Variants in SIN3B observed in about 807,000 individuals in gnomAD.
SIN3B encodes the protein paired amphipathic helix protein Sin3b.
Under a neutral mutation model 120.2 loss-of-function variants are expected in SIN3B, and 19 were observed. That is an observed-to-expected ratio of 0.16 (90% CI 0.11 to 0.23). SIN3B has a LOEUF of 0.23. SIN3B is among the 10% of genes least tolerant of loss of function. The pLI, the probability that SIN3B is intolerant of heterozygous loss-of-function variation, is 1.00. For synonymous variants in SIN3B, 654 were observed against 653.2 expected (o/e 1.00, Z -0.02); for missense variants, 1,073 against 1,573.0 (o/e 0.68, Z 5.38).
At chr19:16,863,059 A>G in intron 9 of SIN3B, 1 of 1,040,800 alleles carries the variant, frequency 9.6e-7, no homozygotes, top group Non-Finnish European at 1.5e-6. Context: ...AGACACAACC[A>G]TTCCTTTACA....
At chr19:16,842,080 T>A in intron 4 of SIN3B, 112 bp downstream of exon 4, 2 of 971,486 alleles carry the variant, frequency 2.1e-6, no homozygotes, top group Non-Finnish European at 3.1e-6. Flanking sequence ...AAATTCTAAT[T>A]AGTTGTGGGG....
At chr19:16,831,454 T>A in intron 2 of SIN3B, 40 bp from the exon 3 acceptor site, 5 of 1,595,588 alleles carry the variant, frequency 3.1e-6, no homozygotes, top group Non-Finnish European at 3.4e-6. Flanking sequence ...TTTCATTTAT[T>A]TCCCAAGACC....
At position 16,876,073 on chromosome 19, in the gene SIN3B, G is replaced by A. The variant is rs1384373084; in HGVS notation, c.2611G>A (p.Asp871Asn). The change falls in exon 15 of 19, where the codon GAT becomes AAT. Residue 871 changes from aspartate to asparagine, a missense_variant. By Grantham distance (23) the Asp-to-Asn change is conservative (BLOSUM62 1). Around this residue, in one of 7 missense-constraint regions of SIN3B, gnomAD observed 311 missense variants for 400.3 expected, o/e 0.78. Transcript: ENST00000248054. This position sits in a 1 kb window ranked among gnomAD's most constrained non-coding sequence, Gnocchi z 7.1. ...CCGCCAGCTGCACCACCTCGTGAGC[G>A]ATGACGTCTGCCTGAAGGTGGTGGA... ...IARQLHHLVS[D>N]DVCLKVVELY... 1.9e-6 allele frequency: 3 copies of A among 1,570,582 alleles called. No individual in the cohort carries two copies. The highest frequency in any genetic ancestry group is 1.3e-5 in the African/African-American group (1 of 74,440).
intron 7 of SIN3B, 152 bp downstream of exon 7, chr19:16,853,310 T>G: frequency 1.5e-6 from 1 of 678,602 alleles, no homozygotes; most frequent in Non-Finnish European, 2.5e-6. Flanking sequence ...CAGCTTTCAC[T>G]GCGGAAGGGA....
chr19:16,877,774 G>T, intron 17 of SIN3B, 135 bp downstream of exon 17: 2 of 683,352 alleles, frequency 2.9e-6, no homozygotes, highest in South Asian at 3.4e-5. Context: ...GCTGAGGCAG[G>T]CCCTGCCCTT....
chr19:16,877,402 A>G (rs896308099), intron 16 of SIN3B, 143 bp from the exon 17 acceptor site: 1 of 633,028 alleles, frequency 1.6e-6, no homozygotes, highest in Non-Finnish European at 2.8e-6. Context: ...GTCAGGGATC[A>G]GAGTCCTCTG....
Position 16,879,174 on chromosome 19 carries a change from G to T in SIN3B, c.*447G>T, listed in dbSNP as rs963268037. On this transcript the variant is annotated 3_prime_UTR_variant, in exon 19 of 19. Coordinates refer to ENST00000248054, the MANE Select transcript of SIN3B (RefSeq NM_001297595.2). The stretch of plus-strand genomic sequence containing the variant: ...AAGGAAGGAGTTGAGCCCTGGGTAG[G>T]CTTGCTTGAAAAGTGAGTCCTTCCA... 4 of 179,150 alleles carry T rather than the reference G, an allele frequency of 2.2e-5. No individual in the cohort carries two copies. Among genetic ancestry groups the T allele is most frequent in the African/African-American group, 9.5e-5 (4 of 42,152 alleles). The allele number at this position is 179,150 out of a possible 1,614,324, so 11.1% of individuals were successfully genotyped here. A position where few individuals can be genotyped will look rare whatever the true frequency, so the allele number is the denominator to read the frequency against.
chr19:16,859,849 G>A (rs1223388341), intron 8 of SIN3B, among the ~76,000 whole-genome samples: 2 of 152,182 alleles, frequency 1.3e-5, no homozygotes, highest in South Asian at 2.1e-4. Flanking sequence ...TGTGGAGCTG[G>A]TGTTGGCACC....
chr19:16,876,411 G>T lies in SIN3B; in HGVS notation c.2767-75G>T, dbSNP rs1343907852. On this transcript the variant is annotated intron_variant, in intron 15 of 18. Coordinates refer to ENST00000248054, the MANE Select transcript of SIN3B (RefSeq NM_001297595.2). The surrounding 1 kb of genome is among the most constrained non-coding windows in gnomAD (Gnocchi z 7.1). ...GGGAGGGTGGCAAAGGCGGGAGGCGGGTGGCCTTGCGAGCCTGCGCTGTGC... is the reference window on the plus strand; with the variant it reads ...GGGAGGGTGGCAAAGGCGGGAGGCGTGTGGCCTTGCGAGCCTGCGCTGTGC... The T allele has an allele frequency of 1.1e-5, 17 of 1,498,416 alleles. No homozygotes were observed. Among genetic ancestry groups the T allele is most frequent in the Non-Finnish European group, 1.6e-5 (17 of 1,088,980 alleles). The allele number at this position is 1,498,416 out of a possible 1,614,324, so 92.8% of individuals were successfully genotyped here.
Position 16,869,723 on chromosome 19 carries a change from G to A in SIN3B, c.2070G>A (p.Gly690=). The change falls in exon 13 of 19, where the codon GGG becomes GGA. Residue 690 remains glycine (G), a synonymous_variant. Transcript: ENST00000248054. ...ATGAGGACCGGGACAGCCCCCAGGG[G>A]CAGACCACAGACCCCAGTGAGCGGA... is the stretch of plus-strand genomic sequence containing the variant. ...SADEDRDSPQ[G]QTTDPSERKK... is the part of the protein sequence containing the mutation. The A allele has an allele frequency of 6.2e-7, 1 of 1,613,184 alleles. No individual in the cohort carries two copies. Among genetic ancestry groups the A allele is most frequent in the Non-Finnish European group, 8.5e-7 (1 of 1,180,004 alleles).
Position 16,865,415 on chromosome 19 carries a change from C to T in SIN3B, c.1389C>T (p.Asp463=), listed in dbSNP as rs767702075. The change falls in exon 11 of 19, where the codon GAC becomes GAT. Residue 463 remains aspartate (D), a synonymous_variant. Coordinates refer to ENST00000248054, the MANE Select transcript of SIN3B (RefSeq NM_001297595.2). ...HRCEDERFEL[D]VVLETNLATI... ...TCCTGCCTTCCTTTCCATAGTTAGA[C>T]GTTGTCCTGGAGACGAACCTGGCCA... is the stretch of plus-strand genomic sequence containing the variant. 68 of 1,592,962 alleles carry T rather than the reference C, an allele frequency of 4.3e-5. No homozygotes were observed. The highest frequency in any genetic ancestry group is 1.3e-4 in the Admixed American group (8 of 59,556).
intron 9 of SIN3B, chr19:16,863,167 A>C (rs1247535247): frequency 1.8e-6 from 1 of 566,536 alleles, no homozygotes; most frequent in Non-Finnish European, 3.1e-6. Flanking sequence ...GACCCTTTGC[A>C]GAGAGAATTT....
chr19:16,863,486 A>T, intron 9 of SIN3B, 194 bp from the exon 10 acceptor site: 1 of 580,686 alleles, frequency 1.7e-6, no homozygotes, highest in Non-Finnish European at 3.1e-6. Context: ...ATCTCCCAGG[A>T]TACCAAGGGA....
intron 14 of SIN3B, among the ~76,000 whole-genome samples, chr19:16,875,465 G>T (rs941966643): frequency 2.8e-5 from 4 of 142,320 alleles, no homozygotes; most frequent in Non-Finnish European, 6.0e-5. Context: ...GGTCTGGTCT[G>T]GTCTGGTTTT....
At chr19:16,839,079 C>T (rs2144580408) in intron 3 of SIN3B, among the ~76,000 whole-genome samples, 1 of 149,968 alleles carries the variant, frequency 6.7e-6, no homozygotes, top group Admixed American at 6.7e-5. Context: ...GCAATTCTTC[C>T]TCCTCAGCCT....
At position 16,878,767 on chromosome 19, in the gene SIN3B, C is replaced by T. The variant is rs781129326; in HGVS notation, c.*40C>T. ...CACCGGGCAGGCGCCTCACAGAGCA[C>T]AGACGTGCCCTCGGCCTTGGTCGTG... On this transcript the variant is annotated 3_prime_UTR_variant, in exon 19 of 19. Transcript: ENST00000248054. 2 of 1,520,770 alleles carry T rather than the reference C, an allele frequency of 1.3e-6. No individual in the cohort carries two copies. Among genetic ancestry groups the T allele is most frequent in the Non-Finnish European group, 1.8e-6 (2 of 1,128,486 alleles). The allele number at this position is 1,520,770 out of a possible 1,614,324, so 94.2% of individuals were successfully genotyped here.
intron 4 of SIN3B, 45 bp downstream of exon 4, chr19:16,842,013 C>T: frequency 6.9e-7 from 1 of 1,455,516 alleles, no homozygotes; most frequent in South Asian, 1.1e-5. Flanking sequence ...GGATTTCATC[C>T]AGTTTGGGGC....
intron 2 of SIN3B, 36 bp downstream of exon 2, chr19:16,829,933 C>A (rs1379850256): frequency 6.7e-7 from 1 of 1,491,766 alleles, no homozygotes; most frequent in South Asian, 1.1e-5. Context: ...CAGGGGACCC[C>A]CCTGGGCCGG....
chr19:16,872,278 G>C (rs1471567786), intron 14 of SIN3B, among the ~76,000 whole-genome samples: 1 of 151,776 alleles, frequency 6.6e-6, no homozygotes, highest in Non-Finnish European at 1.5e-5. Flanking sequence ...TTTCCTTCCA[G>C]GTTTTAAAGA....
Sources: allele counts gnomAD v4.1 joint callset (sites outside exome capture counted in the v4.1 genomes callset), GRCh38; gene constraint gnomAD v4.1.1; regional missense constraint gnomAD v4.1.1; non-coding constraint Gnocchi (gnomAD v3.1); transcripts MANE v1.5; gene names NCBI Gene and HGNC (gene_info 2026-07-23, HGNC 2026-07-21).